RASEF: variants seen among roughly 807,000 people sequenced by gnomAD.
The protein encoded by RASEF is RAS and EF-hand domain containing.
Under a neutral mutation model 90.1 loss-of-function variants are expected in RASEF, and 68 were observed. The ratio of observed to expected loss-of-function variants is 0.75; its 90% CI spans 0.62 to 0.92. The LOEUF is 0.92. Among genes scored for constraint, RASEF ranks in the 40% least tolerant of loss-of-function variants. The pLI is 0.00. For synonymous variants in RASEF, 331 were observed against 345.2 expected (o/e 0.96, Z 0.46); for missense variants, 949 against 937.2 (o/e 1.01, Z -0.16).
intron 4 of RASEF, 68 bp from the exon 5 acceptor site, chr9:83,012,579 T>A (rs984626620): frequency 8.0e-5 from 63 of 791,836 alleles, no homozygotes; most frequent in Non-Finnish European, 3.1e-5. Context: ...AGTTTAGGAC[T>A]ATCCTTGAAT....
rs1830210274 is a variant in RASEF, at chr9:83,062,020, C to G, written c.431+417G>C. Among the ~76,000 whole-genome samples the G allele has an allele frequency of 4.6e-5, 7 of 152,230 alleles. No individual in the cohort carries two copies. In the South Asian group the frequency reaches 1.4e-3, roughly 31 times the overall value. On this transcript the variant is annotated intron_variant, in intron 1 of 16. Coordinates refer to ENST00000376447, the MANE Select transcript of RASEF (RefSeq NM_152573.4). Reference sequence around the variant, plus strand: ...CTTAGGAAAACGACAAATCAGAAAACTATTACAGAGGACGCCAAATTGGCA... The same window carrying G: ...CTTAGGAAAACGACAAATCAGAAAAGTATTACAGAGGACGCCAAATTGGCA...
the RASEF span, chr9:83,201,882 G>A: frequency 5.3e-5 from 8 of 152,366 alleles, no homozygotes; most frequent in African/African-American, 1.7e-4. Context: ...AGACTCCTAA[G>A]TCTGACTCCT....
At chr9:83,091,770 T>G in the RASEF span, among the ~76,000 whole-genome samples, 1 of 152,026 alleles carries the variant, frequency 6.6e-6, no homozygotes, top group Admixed American at 6.5e-5. Context: ...TAATGACTAG[T>G]CTTTTGAGTG....
chr9:83,000,139 T>G (rs1257100348), intron 12 of RASEF, 30 bp downstream of exon 12: 1 of 1,602,396 alleles, frequency 6.2e-7, no homozygotes, highest in African/African-American at 1.3e-5. Flanking sequence ...AAGGTCATTT[T>G]CCCATTATCA....
At chr9:83,038,509 G>C (rs1387914696) in intron 1 of RASEF, among the ~76,000 whole-genome samples, 1 of 152,068 alleles carries the variant, frequency 6.6e-6, no homozygotes, top group Non-Finnish European at 1.5e-5. Flanking sequence ...ATTGAACGAA[G>C]ATGTATTCTT....
the RASEF span, among the ~76,000 whole-genome samples, chr9:83,107,796 G>T: frequency 6.6e-6 from 1 of 152,086 alleles, no homozygotes; most frequent in Non-Finnish European, 1.5e-5. Context: ...GCCTCTTCTT[G>T]TGGCCCCTAG....
At chr9:83,142,887 C>T in the RASEF span, among the ~76,000 whole-genome samples, 3 of 113,108 alleles carry the variant, frequency 2.7e-5, no homozygotes, top group African/African-American at 1.2e-4. Flanking sequence ...CCATAGAACA[C>T]AAAAATTATA....
the RASEF span, among the ~76,000 whole-genome samples, chr9:83,106,738 T>C: frequency 1.3e-5 from 2 of 150,702 alleles, no homozygotes; most frequent in Non-Finnish European, 2.9e-5. Flanking sequence ...TTCCTACTTA[T>C]AAACCATTTT....
At chr9:83,145,584 C>T in the RASEF span, among the ~76,000 whole-genome samples, 1 of 151,832 alleles carries the variant, frequency 6.6e-6, no homozygotes, top group African/African-American at 2.4e-5. Context: ...ATTGACAGAG[C>T]CTAGCATGTT....
At chr9:83,046,377 T>C (rs1829930394) in intron 1 of RASEF, among the ~76,000 whole-genome samples, 1 of 152,202 alleles carries the variant, frequency 6.6e-6, no homozygotes, top group South Asian at 2.1e-4. Flanking sequence ...GTCTGCACCA[T>C]TCCTACTTTT....
rs1194638180 is a variant in RASEF, at chr9:83,063,044, G to A, written c.-177C>T. On this transcript the variant is annotated 5_prime_UTR_variant, in exon 1 of 17. Transcript: ENST00000376447. ...GAGGAACGTCGGGGGTGGCCGAGCG[G>A]CTCCCTTCGACGACGGTTCGGGCCA... is the stretch of plus-strand genomic sequence containing the variant. 8 of 659,276 alleles carry A rather than the reference G, an allele frequency of 1.2e-5. No homozygotes were observed. The highest frequency in any genetic ancestry group is 4.3e-4 in the Middle Eastern group (1 of 2,318). The allele number at this position is 659,276 out of a possible 1,614,324, so 40.8% of individuals were successfully genotyped here.
the RASEF span, among the ~76,000 whole-genome samples, chr9:83,137,792 A>T: frequency 2.4e-5 from 1 of 41,554 alleles, no homozygotes; most frequent in Non-Finnish European, 4.0e-5. Context: ...ACATGAAGTG[A>T]TTGAAAAAAA....
chr9:83,048,858 G>C (rs1587522738), intron 1 of RASEF: 3 of 721,426 alleles, frequency 4.2e-6, no homozygotes, highest in African/African-American at 1.9e-5. Context: ...GCTGTGTGCA[G>C]TGGCTCACGC....
intron 1 of RASEF, among the ~76,000 whole-genome samples, chr9:83,042,004 T>C (rs1329934352): frequency 6.6e-6 from 1 of 152,196 alleles, no homozygotes; most frequent in Non-Finnish European, 1.5e-5. Flanking sequence ...CTTAACTCAC[T>C]GGTTCATCAG....
At chr9:83,081,144 G>A in the RASEF span, among the ~76,000 whole-genome samples, 34 of 152,060 alleles carry the variant, frequency 2.2e-4, no homozygotes, top group Non-Finnish European at 4.0e-4. Context: ...GCACAGAGAG[G>A]CTTGATTAAC....
At chr9:82,984,494 G>T (rs1302921173) in intron 16 of RASEF, among the ~76,000 whole-genome samples, 1 of 152,164 alleles carries the variant, frequency 6.6e-6, no homozygotes, top group Non-Finnish European at 1.5e-5. Context: ...CTATAGGACA[G>T]CTGGTAAATG....
chr9:83,187,843 A>G, the RASEF span, among the ~76,000 whole-genome samples: 13 of 151,956 alleles, frequency 8.6e-5, no homozygotes, highest in Non-Finnish European at 2.9e-5. Context: ...TTCCACAGCT[A>G]CTCGATACTT....
intron 1 of RASEF, among the ~76,000 whole-genome samples, chr9:83,041,300 G>A (rs1239194524): frequency 1.3e-5 from 2 of 152,150 alleles, no homozygotes; most frequent in Non-Finnish European, 2.9e-5. Context: ...TTTGTTTAGT[G>A]TCCCAAAAGA....
chr9:83,097,876 G>A, the RASEF span, among the ~76,000 whole-genome samples: 3 of 152,166 alleles, frequency 2.0e-5, no homozygotes, highest in Non-Finnish European at 4.4e-5. Flanking sequence ...ATAGTTCCCA[G>A]TTGAGAAGTG....
Sources: allele counts gnomAD v4.1 joint callset (sites outside exome capture counted in the v4.1 genomes callset), GRCh38; gene constraint gnomAD v4.1.1; transcripts MANE v1.5; gene names NCBI Gene and HGNC (gene_info 2026-07-23, HGNC 2026-07-21).